The following NRG2 variants were observed in gnomAD, a reference collection of about 807,000 sequenced individuals.
NRG2 encodes neuregulin 2, also known as pro-neuregulin-2, membrane-bound isoform.
Under a neutral mutation model 73.9 loss-of-function variants are expected in NRG2, and 27 were observed. The ratio of observed to expected loss-of-function variants is 0.37; its 90% CI spans 0.27 to 0.50. The LOEUF (loss-of-function observed/expected upper bound fraction) is 0.50. Among genes scored for constraint, NRG2 ranks in the 20% least tolerant of loss-of-function variants. The pLI, the probability that NRG2 is intolerant of heterozygous loss-of-function variation, is 0.96. For missense variants in NRG2, 1,126 were observed against 1,210.1 expected (o/e 0.93, Z 1.03); for synonymous variants, 532 against 541.0 (o/e 0.98, Z 0.23).
intron 1 of NRG2, among the ~76,000 whole-genome samples, chr5:139,957,935 G>C (rs1296474657): frequency 6.6e-6 from 1 of 152,106 alleles, no homozygotes; most frequent in Non-Finnish European, 1.5e-5. Context: ...GGGCGCTTAA[G>C]CCATCATTGC....
chr5:139,859,688 C>T (rs1314915303), intron 5 of NRG2, among the ~76,000 whole-genome samples: 1 of 152,142 alleles, frequency 6.6e-6, no homozygotes, highest in Non-Finnish European at 1.5e-5. Context: ...CCTGAGTGCC[C>T]TTCTGTTCAT....
At chr5:139,963,485 C>T (rs948733035) in intron 1 of NRG2, among the ~76,000 whole-genome samples, 3 of 152,210 alleles carry the variant, frequency 2.0e-5, no homozygotes, top group Non-Finnish European at 4.4e-5. Flanking sequence ...AGACATATCT[C>T]CCTGAGATTC....
intron 1 of NRG2, among the ~76,000 whole-genome samples, chr5:139,995,112 A>G (rs1011304479): frequency 1.3e-5 from 2 of 152,228 alleles, no homozygotes; most frequent in Non-Finnish European, 2.9e-5. Context: ...GTAATATAGT[A>G]CTGCTGAAAG....
At chr5:139,942,400 T>G (rs1012293183) in intron 1 of NRG2, among the ~76,000 whole-genome samples, 2 of 152,258 alleles carry the variant, frequency 1.3e-5, no homozygotes, top group Non-Finnish European at 2.9e-5. Flanking sequence ...TTTTTTCTGC[T>G]GCATACATAT....
intron 1 of NRG2, among the ~76,000 whole-genome samples, chr5:139,903,825 G>T (rs1765038663): frequency 6.6e-6 from 1 of 152,222 alleles, no homozygotes; most frequent in Non-Finnish European, 1.5e-5. Flanking sequence ...TGTTGCCCAC[G>T]CTCCAGTGGC....
chr5:139,877,450 C>T (rs867029019), intron 3 of NRG2, among the ~76,000 whole-genome samples: 42 of 152,222 alleles, frequency 2.8e-4, no homozygotes, highest in Non-Finnish European at 5.4e-4. Context: ...TCGGCCTGGG[C>T]GGGCCAAACC....
intron 1 of NRG2, among the ~76,000 whole-genome samples, chr5:139,939,693 A>G (rs918086347): frequency 1.3e-5 from 2 of 152,252 alleles, no homozygotes; most frequent in Non-Finnish European, 2.9e-5. Context: ...GGCAAAGGAG[A>G]AATTGGAAAA....
At chr5:140,002,640 AC>A (rs891374238) in intron 1 of NRG2, among the ~76,000 whole-genome samples, 1 of 152,246 alleles carries the variant, frequency 6.6e-6, no homozygotes, top group African/African-American at 2.4e-5. Context: ...ACAGACCAAA[AC>A]ATGCAAGTGA....
rs111797464 is a variant in NRG2 at position 139,856,130 on chromosome 5, C to A, written c.1190-352G>T. ...GGCTGTAGAGCAGGGGAGGACAGCT[C>A]AGTCTGGCCGGTGACCCTGCCCTGC... On this transcript the variant is annotated intron_variant, in intron 5 of 9. Coordinates refer to ENST00000361474, the MANE Select transcript of NRG2 (RefSeq NM_004883.3). This position sits in a 1 kb window ranked among gnomAD's most constrained non-coding sequence, Gnocchi z 4.2. 1 of 290,034 alleles carries A rather than the reference C, an allele frequency of 3.4e-6. No individual in the cohort carries two copies. The highest frequency in any genetic ancestry group is 6.7e-6 in the Non-Finnish European group (1 of 148,454). 18.0% of individuals were successfully genotyped at this position (290,034 alleles called of 1,614,324 possible). A position where few individuals can be genotyped will look rare whatever the true frequency, so the allele number is the denominator to read the frequency against.
chr5:139,910,103 T>C (rs1765481973), intron 1 of NRG2, among the ~76,000 whole-genome samples: 1 of 152,232 alleles, frequency 6.6e-6, no homozygotes, highest in Non-Finnish European at 1.5e-5. Context: ...GTTTTGCTCC[T>C]GAGATTAGGT....
intron 1 of NRG2, among the ~76,000 whole-genome samples, chr5:139,892,329 T>C (rs1389998045): frequency 2.6e-5 from 4 of 152,160 alleles, no homozygotes; most frequent in African/African-American, 7.2e-5. Flanking sequence ...GGGAAGGCAT[T>C]AGAGGCTATA....
At chr5:140,011,879 T>C (rs895946802) in intron 1 of NRG2, among the ~76,000 whole-genome samples, 1 of 152,226 alleles carries the variant, frequency 6.6e-6, no homozygotes, top group Non-Finnish European at 1.5e-5. Context: ...AGGACCCAAC[T>C]CAAAAATCAT....
At chr5:139,975,528 G>T (rs1339496340) in intron 1 of NRG2, among the ~76,000 whole-genome samples, 1 of 152,222 alleles carries the variant, frequency 6.6e-6, no homozygotes, top group Non-Finnish European at 1.5e-5. Flanking sequence ...AAAGCCAGGT[G>T]CCAGGTCTGG....
chr5:139,867,157 C>T (rs1435423470), intron 4 of NRG2, among the ~76,000 whole-genome samples: 1 of 152,182 alleles, frequency 6.6e-6, no homozygotes, highest in African/African-American at 2.4e-5. Context: ...AAGTGGCAGC[C>T]ATTGGTTGTG....
intron 5 of NRG2, among the ~76,000 whole-genome samples, chr5:139,861,196 G>A (rs1233205055): frequency 6.6e-6 from 1 of 152,154 alleles, no homozygotes; most frequent in Non-Finnish European, 1.5e-5. Flanking sequence ...CTCAGCATGC[G>A]TGCAGGGCCC....
At chr5:139,884,160 G>T (rs1561653571) in intron 2 of NRG2, among the ~76,000 whole-genome samples, 1 of 152,142 alleles carries the variant, frequency 6.6e-6, no homozygotes, top group Non-Finnish European at 1.5e-5. Context: ...AGGGATCCAG[G>T]CTTTGAGGCT....
At chr5:139,968,346 G>C (rs1425372935) in intron 1 of NRG2, among the ~76,000 whole-genome samples, 3 of 152,226 alleles carry the variant, frequency 2.0e-5, no homozygotes, top group Non-Finnish European at 4.4e-5. Context: ...CGTGAGGGTA[G>C]GGCGCAGAAG....
intron 9 of NRG2, 82 bp from the exon 10 acceptor site, chr5:139,848,779 G>GGGGGCT: frequency 1.0e-5 from 2 of 198,602 alleles, no homozygotes; most frequent in Non-Finnish European, 2.0e-5. Context: ...GGTAGGGTGG[G>GGGGGCT]AGGGGCGGAC....
intron 1 of NRG2, among the ~76,000 whole-genome samples, chr5:140,016,078 G>C (rs890925021): frequency 1.3e-5 from 2 of 152,148 alleles, no homozygotes; most frequent in Admixed American, 1.3e-4. Context: ...GGGATAGGCT[G>C]GCTCCTACTT....
Sources: allele counts gnomAD v4.1 joint callset (sites outside exome capture counted in the v4.1 genomes callset), GRCh38; gene constraint gnomAD v4.1.1; non-coding constraint Gnocchi (gnomAD v3.1); transcripts MANE v1.5; gene names NCBI Gene and HGNC (gene_info 2026-07-23, HGNC 2026-07-21).